CSMD1: variants seen among roughly 807,000 people sequenced by gnomAD.
CSMD1 encodes CUB and sushi domain-containing protein 1.
Under a neutral mutation model 417.5 loss-of-function variants are expected in CSMD1, and 213 were observed. The observed-to-expected ratio is 0.51, with a 90% CI of 0.46 to 0.57. CSMD1 has a LOEUF of 0.57. Ranked by LOEUF, CSMD1 falls within the 20% of genes least tolerant of loss-of-function variation. CSMD1 has a pLI of 0.00. For synonymous variants in CSMD1, 2,862 were observed against 1,736.8 expected (o/e 1.65, Z -16.11); for missense variants, 6,923 against 4,529.7 (o/e 1.53, Z -15.17).
chr8:4,146,307 C>A (rs1424126842), intron 3 of CSMD1, among the ~76,000 whole-genome samples: 1 of 150,960 alleles, frequency 6.6e-6, no homozygotes, highest in Non-Finnish European at 1.5e-5. Context: ...ATAGCCTCTG[C>A]TTGGTGTCTG....
intron 7 of CSMD1, among the ~76,000 whole-genome samples, chr8:3,698,899 G>C (rs541820933): frequency 4.6e-4 from 70 of 152,282 alleles, no homozygotes; most frequent in Non-Finnish European, 7.4e-4. Flanking sequence ...CAATTGATTG[G>C]ATTAGGGGAC....
chr8:4,642,870 G>C (rs1377598073), intron 1 of CSMD1, among the ~76,000 whole-genome samples: 1 of 152,190 alleles, frequency 6.6e-6, no homozygotes, highest in African/African-American at 2.4e-5. Flanking sequence ...TAGGGACTTA[G>C]AAAGATGTGG....
intron 3 of CSMD1, among the ~76,000 whole-genome samples, chr8:4,341,039 T>C (rs1451463360): frequency 6.6e-6 from 1 of 152,048 alleles, no homozygotes; most frequent in Non-Finnish European, 1.5e-5. Flanking sequence ...AACTTTAGAA[T>C]CTATACTCTA....
intron 5 of CSMD1, among the ~76,000 whole-genome samples, chr8:3,914,806 C>T (rs1398659254): frequency 1.3e-5 from 2 of 152,062 alleles, no homozygotes; most frequent in Admixed American, 6.6e-5. Flanking sequence ...GATTTATTGA[C>T]ATCTACTCTA....
chr8:3,920,639 A>C (rs929253155), intron 5 of CSMD1, among the ~76,000 whole-genome samples: 6 of 152,144 alleles, frequency 3.9e-5, no homozygotes, highest in Non-Finnish European at 8.8e-5. Context: ...TATTATGTTG[A>C]AGTATATTCC....
chr8:4,457,782 C>G (rs925432270), intron 2 of CSMD1, among the ~76,000 whole-genome samples: 3 of 152,128 alleles, frequency 2.0e-5, no homozygotes, highest in South Asian at 2.1e-4. Context: ...GCTGCTTCTC[C>G]CAAGTCCCTC....
At chr8:3,222,085 G>C (rs1798251925) in intron 28 of CSMD1, among the ~76,000 whole-genome samples, 1 of 152,052 alleles carries the variant, frequency 6.6e-6, no homozygotes, top group South Asian at 2.1e-4. Context: ...CCAGATCAGA[G>C]AAGTCACTGG....
intron 5 of CSMD1, among the ~76,000 whole-genome samples, chr8:3,937,882 A>T (rs1179226065): frequency 6.6e-6 from 1 of 152,184 alleles, no homozygotes; most frequent in African/African-American, 2.4e-5. Context: ...CTGCATACAC[A>T]AGAAACTTTA....
intron 3 of CSMD1, among the ~76,000 whole-genome samples, chr8:4,236,214 T>C (rs1040005438): frequency 2.0e-5 from 3 of 152,130 alleles, no homozygotes; most frequent in African/African-American, 7.2e-5. Context: ...CGGGAATTCA[T>C]AGATCTATAA....
chr8:3,854,014 A>C (rs924039528), intron 5 of CSMD1, among the ~76,000 whole-genome samples: 1 of 146,316 alleles, frequency 6.8e-6, no homozygotes, highest in African/African-American at 2.5e-5. Flanking sequence ...TAACATATAA[A>C]ATATTATAAA....
At position 3,205,598 on chromosome 8, in the gene CSMD1, C is replaced by T. The variant is rs778433649; in HGVS notation, c.4890G>A (p.Thr1630=). 16 of 1,578,294 alleles carry T rather than the reference C, an allele frequency of 1.0e-5. No homozygotes were observed. The highest frequency in any genetic ancestry group is 1.7e-4 in the Middle Eastern group (1 of 5,976). ...SCNAPCGGQY[T]GSEGVVLSPN... ...GTGATAAAACTACCCCTTCTGATCC[C>T]GTGTACTGGCCTCCACAGGGAGCTG... is the stretch of plus-strand genomic sequence containing the variant. The change falls in exon 31 of 70, where the codon ACG becomes ACA. Residue 1630 remains threonine (T), a synonymous_variant. Transcript: ENST00000635120.
At chr8:4,183,632 A>G (rs868590813) in intron 3 of CSMD1, among the ~76,000 whole-genome samples, 1 of 152,240 alleles carries the variant, frequency 6.6e-6, no homozygotes, top group Non-Finnish European at 1.5e-5. Flanking sequence ...TCAAATTGAT[A>G]AGCACAATTT....
intron 1 of CSMD1, among the ~76,000 whole-genome samples, chr8:4,944,239 G>T (rs770127234): frequency 2.6e-4 from 40 of 152,294 alleles, no homozygotes; most frequent in Non-Finnish European, 5.6e-4. Context: ...ATGATAGAAA[G>T]TAGAGCGACC....
intron 2 of CSMD1, among the ~76,000 whole-genome samples, chr8:4,428,500 C>T (rs1259892528): frequency 6.6e-6 from 1 of 152,086 alleles, no homozygotes; most frequent in Non-Finnish European, 1.5e-5. Context: ...ATATGTGTAT[C>T]TCTCTCTACA....
At chr8:4,393,737 T>C (rs1804018225) in intron 3 of CSMD1, among the ~76,000 whole-genome samples, 1 of 152,176 alleles carries the variant, frequency 6.6e-6, no homozygotes, top group African/African-American at 2.4e-5. Flanking sequence ...TCTGATCCAT[T>C]TGCCTTCAGA....
chr8:4,435,946 C>A lies in CSMD1; in HGVS notation c.303-15881G>T, dbSNP rs150871780. Among the ~76,000 whole-genome samples, 823 of 152,250 alleles carry A rather than the reference C, an allele frequency of 5.4e-3. 9 individuals are homozygous for A. Among genetic ancestry groups the A allele is most frequent in the African/African-American group, 0.019 (774 of 41,554 alleles). ...TAGAATTTTAACCAAAATCTACATT[C>A]TTAGCCTTTACATCCACACATCACC... On this transcript the variant is annotated intron_variant, in intron 2 of 69. Coordinates refer to ENST00000635120, the MANE Select transcript of CSMD1 (RefSeq NM_033225.6).
intron 7 of CSMD1, among the ~76,000 whole-genome samples, chr8:3,665,802 C>G (rs752329431): frequency 5.9e-5 from 9 of 152,136 alleles, no homozygotes; most frequent in Non-Finnish European, 1.0e-4. Context: ...TTAGAGCACC[C>G]CTAGGAATCT....
chr8:4,008,696 C>T (rs1816324238), intron 4 of CSMD1, among the ~76,000 whole-genome samples: 1 of 148,176 alleles, frequency 6.7e-6, no homozygotes, highest in African/African-American at 2.5e-5. Flanking sequence ...CTGCAAGCTC[C>T]CCATCCCGGG....
At chr8:3,349,872 T>C (rs891358427) in intron 21 of CSMD1, among the ~76,000 whole-genome samples, 2 of 47,404 alleles carry the variant, frequency 4.2e-5, no homozygotes, top group Non-Finnish European at 1.1e-4. Context: ...TATAAATATA[T>C]TTATATCTAT....
Sources: gnomAD v4.1 joint callset for allele counts (sites outside exome capture counted in the v4.1 genomes callset) on GRCh38, gnomAD v4.1.1 for gene constraint, MANE v1.5 for transcripts, NCBI Gene and HGNC (gene_info 2026-07-23, HGNC 2026-07-21) for gene names.